Variants in LRRC7 observed in about 807,000 individuals in gnomAD.
LRRC7 encodes leucine-rich repeat-containing protein 7.
In LRRC7, 23 loss-of-function variants were observed where a neutral mutation model predicts 175.7. That is an observed-to-expected ratio of 0.13 (90% confidence interval 0.09 to 0.19). LRRC7 has a LOEUF of 0.19. Among genes scored for constraint, LRRC7 ranks in the 10% least tolerant of loss-of-function variants. The pLI, the probability that LRRC7 is intolerant of heterozygous loss-of-function variation, is 1.00. For missense variants in LRRC7, 1,354 were observed against 1,904.7 expected (o/e 0.71, Z 5.38); for synonymous variants, 685 against 680.9 (o/e 1.01, Z -0.09).
chr1:69,643,108 A>C (rs1272996735), intron 1 of LRRC7, among the ~76,000 whole-genome samples: 1 of 152,058 alleles, frequency 6.6e-6, no homozygotes, highest in Non-Finnish European at 1.5e-5. Flanking sequence ...TCCTGTGTCC[A>C]AGGGTGGGAG....
chr1:69,963,573 A>G lies in LRRC7; in HGVS notation c.712-16806A>G, dbSNP rs114243293. Among the ~76,000 whole-genome samples, 466 of 152,334 alleles carry G rather than the reference A, an allele frequency of 3.1e-3. 3 individuals carry two copies. Among genetic ancestry groups the G allele is most frequent in the African/African-American group, 0.01 (419 of 41,572 alleles). On this transcript the variant is annotated intron_variant, in intron 8 of 26. Coordinates refer to ENST00000651989, the MANE Select transcript of LRRC7 (RefSeq NM_001370785.2). ...AGGAGTAATTATACTGAAATGGCCC[A>G]CAGGCTACAGTGTAGATAGAAGATG...
chr1:70,066,953 T>C (rs565280890), intron 23 of LRRC7, among the ~76,000 whole-genome samples: 21 of 152,226 alleles, frequency 1.4e-4, no homozygotes, highest in African/African-American at 5.1e-4. Context: ...TATATACACT[T>C]ACTGAAAATT....
chr1:69,974,702 G>T (rs1347841312), intron 8 of LRRC7, among the ~76,000 whole-genome samples: 1 of 152,132 alleles, frequency 6.6e-6, no homozygotes. Context: ...TTTCAGAAAG[G>T]CCATGGATCT....
At chr1:69,958,446 G>A (rs1650717189) in intron 8 of LRRC7, among the ~76,000 whole-genome samples, 1 of 152,018 alleles carries the variant, frequency 6.6e-6, no homozygotes, top group Admixed American at 6.6e-5. Context: ...CTGTGATCCT[G>A]TGAGAAACAG....
chr1:69,824,178 G>A lies in LRRC7; in HGVS notation c.422-1570G>A, dbSNP rs116336624. Among the ~76,000 whole-genome samples, 1,498 of 152,172 alleles carry A rather than the reference G, an allele frequency of 9.8e-3. 16 individuals carry two copies. The highest frequency in any genetic ancestry group is 0.034 in the African/African-American group (1,418 of 41,510). ...ATACCATTTTAAGACAGGGACCTGT[G>A]GTGATAAGGCATCATGTATAGCAGC... is the stretch of plus-strand genomic sequence containing the variant. On this transcript the variant is annotated intron_variant, in intron 4 of 26. Coordinates refer to ENST00000651989, the MANE Select transcript of LRRC7 (RefSeq NM_001370785.2).
At chr1:69,946,718 G>A (rs1365234570) in intron 8 of LRRC7, among the ~76,000 whole-genome samples, 1 of 149,650 alleles carries the variant, frequency 6.7e-6, no homozygotes, top group Non-Finnish European at 1.5e-5. Flanking sequence ...CAGTCTTGAT[G>A]TCTTCTCATT....
intron 2 of LRRC7, among the ~76,000 whole-genome samples, chr1:69,718,526 C>T (rs1425577657): frequency 1.3e-5 from 2 of 151,728 alleles, no homozygotes; most frequent in Non-Finnish European, 3.0e-5. Context: ...AAACACAGAA[C>T]TGGAGCTCTG....
chr1:69,939,631 C>G (rs1269123274), intron 8 of LRRC7, among the ~76,000 whole-genome samples: 1 of 152,074 alleles, frequency 6.6e-6, no homozygotes, highest in East Asian at 1.9e-4. Context: ...TAATAACCAG[C>G]AAGTCGGTAC....
chr1:69,877,687 C>T (rs1198211672), intron 7 of LRRC7, among the ~76,000 whole-genome samples: 1 of 152,118 alleles, frequency 6.6e-6, no homozygotes, highest in African/African-American at 2.4e-5. Flanking sequence ...CTACCCTAGC[C>T]CCAGGTAACT....
intron 7 of LRRC7, among the ~76,000 whole-genome samples, chr1:69,896,002 G>T (rs968533031): frequency 1.3e-5 from 2 of 152,134 alleles, no homozygotes; most frequent in Admixed American, 6.6e-5. Context: ...TATGGTATTA[G>T]AAATTACAAT....
intron 3 of LRRC7, among the ~76,000 whole-genome samples, chr1:69,781,765 GAA>G (rs34327468): frequency 0.015 from 589 of 38,302 alleles, 36 homozygotes; most frequent in East Asian, 0.043. Context: ...GAGAGAGAGA[GAA>G]AGAAAGAAAG....
At chr1:69,581,634 T>C (rs1557431563) in intron 1 of LRRC7, among the ~76,000 whole-genome samples, 1 of 152,078 alleles carries the variant, frequency 6.6e-6, no homozygotes. Context: ...CACTTATTCC[T>C]ATATAAAATT....
intron 4 of LRRC7, among the ~76,000 whole-genome samples, chr1:69,798,643 G>A (rs924357614): frequency 3.3e-5 from 5 of 152,018 alleles, no homozygotes; most frequent in African/African-American, 1.2e-4. Flanking sequence ...ATACTTTAGG[G>A]GTTTTATTAG....
chr1:69,845,581 G>T (rs959761701), intron 7 of LRRC7, among the ~76,000 whole-genome samples: 2 of 151,852 alleles, frequency 1.3e-5, no homozygotes, highest in Non-Finnish European at 2.9e-5. Context: ...TCAAAATAAT[G>T]AAGAAAGCTC....
At chr1:69,818,542 A>G (rs896083627) in intron 4 of LRRC7, among the ~76,000 whole-genome samples, 1 of 151,940 alleles carries the variant, frequency 6.6e-6, no homozygotes, top group African/African-American at 2.4e-5. Context: ...TTTTGCACAT[A>G]TGTTCATCAG....
intron 4 of LRRC7, among the ~76,000 whole-genome samples, chr1:69,801,443 G>C (rs906473581): frequency 1.3e-5 from 2 of 151,626 alleles, no homozygotes; most frequent in Admixed American, 1.3e-4. Flanking sequence ...TTCAATATTC[G>C]GAGGTTGTAT....
chr1:69,978,875 A>G (rs1172890142), intron 8 of LRRC7, among the ~76,000 whole-genome samples: 1 of 148,322 alleles, frequency 6.7e-6, no homozygotes, highest in Non-Finnish European at 1.5e-5. Flanking sequence ...TAGATTCCAG[A>G]TTTTATTGAA....
At chr1:69,880,573 C>G (rs1276410430) in intron 7 of LRRC7, among the ~76,000 whole-genome samples, 1 of 152,082 alleles carries the variant, frequency 6.6e-6, no homozygotes, top group African/African-American at 2.4e-5. Context: ...CTATGTTTCT[C>G]TAAGTAGCCT....
intron 3 of LRRC7, among the ~76,000 whole-genome samples, chr1:69,776,509 G>A (rs964831328): frequency 1.3e-5 from 2 of 152,096 alleles, no homozygotes; most frequent in Admixed American, 6.6e-5. Context: ...AAATCCTAGA[G>A]ATATGTATCC....
Sources: allele counts gnomAD v4.1 joint callset (sites outside exome capture counted in the v4.1 genomes callset), GRCh38; gene constraint gnomAD v4.1.1; transcripts MANE v1.5; gene names NCBI Gene and HGNC (gene_info 2026-07-23, HGNC 2026-07-21).